Variants in THRB observed in about 807,000 individuals in gnomAD.
THRB encodes nuclear receptor subfamily 1 group A member 2.
THRB carries 12 observed loss-of-function variants against 47.8 expected under a neutral mutation model. That is an observed-to-expected ratio of 0.25 (90% CI 0.16 to 0.41). The LOEUF is 0.41. THRB is among the 10% of genes least tolerant of loss of function. The pLI, the probability that THRB is intolerant of heterozygous loss-of-function variation, is 1.00. For synonymous variants in THRB, 218 were observed against 212.2 expected (o/e 1.03, Z -0.24); for missense variants, 348 against 589.2 (o/e 0.59, Z 4.24).
At chr3:24,215,796 G>A (rs6772213) in intron 4 of THRB, among the ~76,000 whole-genome samples, 10,408 of 152,216 alleles carry the variant, frequency 0.068, 1,082 homozygotes, top group African/African-American at 0.23. Context: ...GGTCTGGCCT[G>A]TGAAACACCT....
At chr3:24,176,703 C>T (rs1471192389) in intron 5 of THRB, among the ~76,000 whole-genome samples, 2 of 152,084 alleles carry the variant, frequency 1.3e-5, no homozygotes, top group East Asian at 3.8e-4. Flanking sequence ...CATACAAGAC[C>T]ACGTATTGTA....
chr3:24,399,654 G>A (rs1300446364), intron 1 of THRB, among the ~76,000 whole-genome samples: 2 of 152,124 alleles, frequency 1.3e-5, no homozygotes, highest in South Asian at 2.1e-4. Context: ...GCTTCTCTTG[G>A]AAAAATTTAC....
intron 1 of THRB, among the ~76,000 whole-genome samples, chr3:24,388,429 A>G (rs1380213977): frequency 6.6e-6 from 1 of 152,186 alleles, no homozygotes. Flanking sequence ...CCTAACCTGT[A>G]ACAGCCTGAG....
chr3:24,352,621 C>T (rs541497541), intron 1 of THRB, among the ~76,000 whole-genome samples: 1 of 152,150 alleles, frequency 6.6e-6, no homozygotes, highest in African/African-American at 2.4e-5. Flanking sequence ...GGTCTTTGCG[C>T]AGCCATTCAA....
intron 1 of THRB, among the ~76,000 whole-genome samples, chr3:24,421,775 A>G (rs35892303): frequency 0.14 from 21,106 of 151,998 alleles, 1,782 homozygotes; most frequent in Middle Eastern, 0.24. Flanking sequence ...AATTAATGGA[A>G]GTAAAATATC....
At chr3:24,195,291 G>A (rs1391540144) in intron 4 of THRB, among the ~76,000 whole-genome samples, 1 of 152,118 alleles carries the variant, frequency 6.6e-6, no homozygotes, top group Non-Finnish European at 1.5e-5. Context: ...AACTGACAAG[G>A]AACCTAAAAT....
At chr3:24,261,289 G>T (rs1667749) in intron 3 of THRB, among the ~76,000 whole-genome samples, 130,588 of 151,750 alleles carry the variant, frequency 0.86, 56,666 homozygotes, top group African/African-American at 0.96. Context: ...GATCACGAGG[G>T]CAAGAGATCG....
intron 2 of THRB, among the ~76,000 whole-genome samples, chr3:24,313,107 T>C (rs1040893477): frequency 3.3e-5 from 5 of 152,144 alleles, no homozygotes; most frequent in African/African-American, 1.2e-4. Context: ...ATTAAATACC[T>C]GGGTGAATGG....
At chr3:24,408,480 G>A (rs2068009325) in intron 1 of THRB, among the ~76,000 whole-genome samples, 1 of 151,804 alleles carries the variant, frequency 6.6e-6, no homozygotes, top group African/African-American at 2.4e-5. Flanking sequence ...TATGTCACCA[G>A]GTTCACACTT....
intron 1 of THRB, among the ~76,000 whole-genome samples, chr3:24,404,956 C>T (rs2067702906): frequency 6.6e-6 from 1 of 151,946 alleles, no homozygotes; most frequent in Non-Finnish European, 1.5e-5. Flanking sequence ...ATAACCTTAC[C>T]AAACCTAAGA....
intron 4 of THRB, among the ~76,000 whole-genome samples, chr3:24,193,600 T>A (rs1048287290): frequency 6.6e-6 from 1 of 152,222 alleles, no homozygotes; most frequent in Non-Finnish European, 1.5e-5. Context: ...TAATTAGATA[T>A]TATCTTGTAG....
At chr3:24,479,379 C>A (rs1053947969) in intron 1 of THRB, among the ~76,000 whole-genome samples, 16 of 152,342 alleles carry the variant, frequency 1.1e-4, no homozygotes, top group Non-Finnish European at 1.6e-4. Flanking sequence ...CCGACCCCAA[C>A]AAATTATGTG....
Position 24,146,724 on chromosome 3 carries a change from G to A in THRB, c.483C>T (p.Cys161=), listed in dbSNP as rs2036153330. 1 of 1,614,114 alleles carries A rather than the reference G, an allele frequency of 6.2e-7. No homozygotes were observed. The highest frequency in any genetic ancestry group is 1.3e-5 in the African/African-American group (1 of 75,036). Residue 161 remains cysteine, a synonymous_variant, in exon 7 of 11, where the codon TGC becomes TGT. Transcript: ENST00000646209. ...CVIDKVTRNQ[C]QECRFKKCIY... The stretch of plus-strand genomic sequence containing the variant: ...TGCATTTCTTAAAGCGACATTCCTG[G>A]CACTGATTTCGCGTGACTTTGTCTA...
chr3:24,438,165 A>G (rs2071160773), intron 1 of THRB, among the ~76,000 whole-genome samples: 1 of 151,982 alleles, frequency 6.6e-6, no homozygotes, highest in Non-Finnish European at 1.5e-5. Flanking sequence ...GGAAGGTTAC[A>G]TGGCTACCCG....
chr3:24,469,824 C>A (rs1363207523), intron 1 of THRB, among the ~76,000 whole-genome samples: 1 of 152,154 alleles, frequency 6.6e-6, no homozygotes, highest in Non-Finnish European at 1.5e-5. Context: ...TATTTTTATA[C>A]CTGCTTTAAC....
chr3:24,308,313 AG>A (rs370312829), intron 2 of THRB, among the ~76,000 whole-genome samples: 4 of 152,344 alleles, frequency 2.6e-5, no homozygotes, highest in African/African-American at 9.6e-5. Flanking sequence ...ACCAAAGTGC[AG>A]GCTTTAAAAT....
At chr3:24,217,496 T>C (rs1481304109) in intron 4 of THRB, among the ~76,000 whole-genome samples, 4 of 151,376 alleles carry the variant, frequency 2.6e-5, no homozygotes, top group Non-Finnish European at 5.9e-5. Flanking sequence ...GCAGGTAAGA[T>C]GTTTGAAAGC....
chr3:24,183,661 C>T lies in THRB; in HGVS notation c.283+6413G>A, dbSNP rs1465943476. 3.3e-5 allele frequency among the ~76,000 whole-genome samples: 5 copies of T among 149,498 alleles called. No individual in the cohort carries two copies. The South Asian group carries it at 8.5e-4, about 25-fold the overall frequency. Reference sequence around the variant, plus strand: ...GTGTTGGGATTACAGGTGTGAGCGACGGCGCCTGGCCTTTCATCTTTTTTT... The same window carrying T: ...GTGTTGGGATTACAGGTGTGAGCGATGGCGCCTGGCCTTTCATCTTTTTTT... On this transcript the variant is annotated intron_variant, in intron 5 of 10. Transcript: ENST00000646209.
chr3:24,479,182 G>A (rs531297390), intron 1 of THRB, among the ~76,000 whole-genome samples: 24 of 152,192 alleles, frequency 1.6e-4, no homozygotes, highest in Admixed American at 1.6e-3. Context: ...GGCGCCTGTA[G>A]TCCCAGCTAC....
Sources: allele counts gnomAD v4.1 joint callset (sites outside exome capture counted in the v4.1 genomes callset), GRCh38; gene constraint gnomAD v4.1.1; transcripts MANE v1.5; gene names NCBI Gene and HGNC (gene_info 2026-07-23, HGNC 2026-07-21).